ASIC2: variants seen among roughly 807,000 people sequenced by gnomAD.
The protein encoded by ASIC2 is acid-sensing ion channel 2.
A neutral mutation model predicts 57.3 loss-of-function variants in ASIC2; 25 were observed. The observed-to-expected ratio is 0.44, with a 90% CI of 0.32 to 0.61. The LOEUF is 0.61. Ranked by LOEUF, ASIC2 falls within the 20% of genes least tolerant of loss-of-function variation. The probability of loss-of-function intolerance (pLI) is 0.06; values close to 1 mark genes in which losing one functional copy is unlikely to be tolerated. For synonymous variants in ASIC2, 319 were observed against 307.5 expected (o/e 1.04, Z -0.39); for missense variants, 641 against 738.1 (o/e 0.87, Z 1.52).
At chr17:34,022,080 G>A (rs1038431749) in intron 1 of ASIC2, among the ~76,000 whole-genome samples, 8 of 152,020 alleles carry the variant, frequency 5.3e-5, no homozygotes, top group Non-Finnish European at 7.4e-5. Flanking sequence ...CTTGTGATCC[G>A]CCCACCTCGG....
At chr17:33,472,123 G>T (rs908362477) in intron 1 of ASIC2, among the ~76,000 whole-genome samples, 1 of 151,210 alleles carries the variant, frequency 6.6e-6, no homozygotes, top group African/African-American at 2.4e-5. Flanking sequence ...GGGTTCAAGC[G>T]ATTCTCCCAC....
At chr17:33,472,971 G>T (rs1567623747) in intron 1 of ASIC2, among the ~76,000 whole-genome samples, 4 of 152,204 alleles carry the variant, frequency 2.6e-5, no homozygotes, top group Admixed American at 2.0e-4. Flanking sequence ...TTTCTCAGCT[G>T]TAAAATGGGA....
At chr17:33,277,004 C>T (rs367649377) in intron 1 of ASIC2, among the ~76,000 whole-genome samples, 30 of 152,290 alleles carry the variant, frequency 2.0e-4, no homozygotes, top group African/African-American at 6.3e-4. Flanking sequence ...CCCATGTACC[C>T]GTGGTATTGA....
intron 1 of ASIC2, among the ~76,000 whole-genome samples, chr17:33,247,769 G>T (rs1485097553): frequency 6.6e-6 from 1 of 152,118 alleles, no homozygotes; most frequent in Admixed American, 6.6e-5. Context: ...ACAAAGGCGG[G>T]TAAGTTTTGG....
At chr17:33,745,218 G>A (rs534347855) in intron 1 of ASIC2, among the ~76,000 whole-genome samples, 4 of 152,240 alleles carry the variant, frequency 2.6e-5, no homozygotes, top group Admixed American at 2.0e-4. Flanking sequence ...AAGACCCAGA[G>A]GAGAGCTGAT....
At chr17:33,105,880 C>G (rs547371018) in intron 2 of ASIC2, among the ~76,000 whole-genome samples, 4 of 152,136 alleles carry the variant, frequency 2.6e-5, no homozygotes, top group Non-Finnish European at 4.4e-5. Flanking sequence ...TGTCCCCACC[C>G]TAGAGATCTG....
intron 1 of ASIC2, among the ~76,000 whole-genome samples, chr17:33,184,037 A>G (rs1419813194): frequency 6.6e-6 from 1 of 152,200 alleles, no homozygotes; most frequent in Admixed American, 6.5e-5. Flanking sequence ...CGAAATGTCT[A>G]TTATAGCAAC....
At chr17:33,109,345 C>T (rs1241719499) in intron 2 of ASIC2, among the ~76,000 whole-genome samples, 1 of 152,216 alleles carries the variant, frequency 6.6e-6, no homozygotes, top group Admixed American at 6.5e-5. Context: ...AGACAGACAA[C>T]ATTTTCATCA....
At chr17:33,100,783 G>T (rs2092209109) in intron 2 of ASIC2, among the ~76,000 whole-genome samples, 1 of 152,184 alleles carries the variant, frequency 6.6e-6, no homozygotes, top group Non-Finnish European at 1.5e-5. Context: ...CTAAATTGGG[G>T]ACATGAGGTC....
At chr17:33,725,526 A>C (rs976692800) in intron 1 of ASIC2, among the ~76,000 whole-genome samples, 1 of 152,192 alleles carries the variant, frequency 6.6e-6, no homozygotes, top group African/African-American at 2.4e-5. Context: ...CCAGCTTGTA[A>C]GACTCAGTGC....
intron 1 of ASIC2, among the ~76,000 whole-genome samples, chr17:33,449,776 CTT>C (rs149554596): frequency 1.9e-4 from 28 of 146,800 alleles, no homozygotes; most frequent in Admixed American, 3.4e-4. Context: ...TTTTTCTTTT[CTT>C]TTTTTTTTTT....
At chr17:33,493,927 C>T (rs978342267) in intron 1 of ASIC2, among the ~76,000 whole-genome samples, 13 of 152,316 alleles carry the variant, frequency 8.5e-5, no homozygotes, top group Admixed American at 7.8e-4. Context: ...CTGGCTCCCA[C>T]TGACTACCCT....
chr17:33,096,959 T>G (rs2092182695), intron 2 of ASIC2, among the ~76,000 whole-genome samples: 1 of 152,280 alleles, frequency 6.6e-6, no homozygotes, highest in Admixed American at 6.5e-5. Context: ...AACCATTTCG[T>G]TAACACCTCA....
intron 1 of ASIC2, among the ~76,000 whole-genome samples, chr17:33,118,976 C>T (rs1178842487): frequency 6.6e-6 from 1 of 151,988 alleles, no homozygotes; most frequent in Non-Finnish European, 1.5e-5. Flanking sequence ...AAAGTGGAGC[C>T]CTTACTGAGA....
intron 1 of ASIC2, among the ~76,000 whole-genome samples, chr17:33,546,136 C>T (rs1021623089): frequency 6.7e-6 from 1 of 149,684 alleles, no homozygotes; most frequent in Non-Finnish European, 1.5e-5. Context: ...AATATATATA[C>T]ACATATGTAT....
At chr17:33,632,684 A>C (rs1412581123) in intron 1 of ASIC2, among the ~76,000 whole-genome samples, 1 of 152,092 alleles carries the variant, frequency 6.6e-6, no homozygotes, top group Non-Finnish European at 1.5e-5. Flanking sequence ...CTCCTGCCTC[A>C]GGCTCCCAAA....
chr17:33,305,378 C>G (rs761778356), intron 1 of ASIC2, among the ~76,000 whole-genome samples: 5 of 152,206 alleles, frequency 3.3e-5, no homozygotes, highest in Non-Finnish European at 7.3e-5. Flanking sequence ...AGCCTACTTA[C>G]TCTTACTTTA....
intron 1 of ASIC2, among the ~76,000 whole-genome samples, chr17:33,273,984 G>A (rs1904608632): frequency 6.6e-6 from 1 of 152,128 alleles, no homozygotes; most frequent in African/African-American, 2.4e-5. Context: ...GGCAATGGGT[G>A]GTACTTACGT....
intron 1 of ASIC2, among the ~76,000 whole-genome samples, chr17:33,748,158 G>A (rs1474787933): frequency 6.6e-6 from 1 of 152,134 alleles, no homozygotes; most frequent in Non-Finnish European, 1.5e-5. Flanking sequence ...ACACTCTCTG[G>A]GCAGTTCCTC....
Sources: gnomAD v4.1 joint callset for allele counts (sites outside exome capture counted in the v4.1 genomes callset) on GRCh38, gnomAD v4.1.1 for gene constraint, MANE v1.5 for transcripts, NCBI Gene and HGNC (gene_info 2026-07-23, HGNC 2026-07-21) for gene names.